The following ZDHHC14 variants were observed in gnomAD, a reference collection of about 807,000 sequenced individuals.
ZDHHC14 encodes the protein palmitoyltransferase ZDHHC14.
Under a neutral mutation model 47.7 loss-of-function variants are expected in ZDHHC14, and 16 were observed. The observed-to-expected ratio is 0.34, with a 90% CI of 0.23 to 0.51. The LOEUF is 0.51. ZDHHC14 is among the 20% of genes least tolerant of loss of function. ZDHHC14 has a pLI of 0.97. For missense variants in ZDHHC14, 515 were observed against 662.5 expected (o/e 0.78, Z 2.44); for synonymous variants, 293 against 278.9 (o/e 1.05, Z -0.50).
chr6:157,460,094 T>C (rs555316335), intron 1 of ZDHHC14, among the ~76,000 whole-genome samples: 19 of 148,922 alleles, frequency 1.3e-4, no homozygotes, highest in Non-Finnish European at 2.8e-4. Flanking sequence ...GTCTAGCTAC[T>C]TGGGGGGCTG....
intron 1 of ZDHHC14, among the ~76,000 whole-genome samples, chr6:157,518,876 G>T (rs1303740678): frequency 2.6e-5 from 4 of 152,154 alleles, no homozygotes; most frequent in Non-Finnish European, 5.9e-5. Flanking sequence ...AGTCACATGT[G>T]GCTTGAGATC....
chr6:157,554,052 A>G (rs2114827580), intron 2 of ZDHHC14, among the ~76,000 whole-genome samples: 1 of 152,382 alleles, frequency 6.6e-6, no homozygotes, highest in East Asian at 1.9e-4. Context: ...AGCGAACACC[A>G]TTTATTCAGA....
At chr6:157,643,262 A>G (rs995542800) in intron 5 of ZDHHC14, among the ~76,000 whole-genome samples, 1 of 152,204 alleles carries the variant, frequency 6.6e-6, no homozygotes, top group Admixed American at 6.5e-5. Flanking sequence ...TGCATCTTGC[A>G]TCTCGCATCC....
At position 157,582,012 on chromosome 6, in the gene ZDHHC14, C is replaced by T. The variant is rs1386432385; in HGVS notation, c.407-10976C>T. On this transcript the variant is annotated intron_variant, in intron 2 of 8. Transcript: ENST00000359775. The surrounding 1 kb of genome is among the most constrained non-coding windows in gnomAD (Gnocchi z 4.3). ...CCAGGTTCAAGTGATTCACCCACCTCAACCTCCTGAGTAGCTGGAACTACA... is the reference window on the plus strand; with the variant it reads ...CCAGGTTCAAGTGATTCACCCACCTTAACCTCCTGAGTAGCTGGAACTACA... Among the ~76,000 whole-genome samples, 1 of 152,156 alleles carries T rather than the reference C, an allele frequency of 6.6e-6. No homozygotes were observed. Among genetic ancestry groups the T allele is most frequent in the South Asian group, 2.1e-4 (1 of 4,826 alleles).
chr6:157,437,093 G>A (rs1333972967), intron 1 of ZDHHC14, among the ~76,000 whole-genome samples: 1 of 152,048 alleles, frequency 6.6e-6, no homozygotes, highest in Non-Finnish European at 1.5e-5. Context: ...CCCTACCCTG[G>A]GACTGCAGGT....
At chr6:157,653,797 C>T (rs371791960) in intron 8 of ZDHHC14, among the ~76,000 whole-genome samples, 170 bp downstream of exon 8, 2 of 152,304 alleles carry the variant, frequency 1.3e-5, no homozygotes, top group East Asian at 3.9e-4. Context: ...TAAACTAAGG[C>T]AGTAGCCCAG....
chr6:157,582,305 TG>T lies in ZDHHC14; in HGVS notation c.407-10682del, dbSNP rs1161533010. Reference sequence around the variant, plus strand: ...TTGTTAGCTGGTTATTATGCAGGCTTGTTTGTGTGGTTGCTTTATAGAGTCA... The same window carrying T: ...TTGTTAGCTGGTTATTATGCAGGCTTTTTGTGTGGTTGCTTTATAGAGTCA... On this transcript the variant is annotated intron_variant, in intron 2 of 8. Coordinates refer to ENST00000359775, the MANE Select transcript of ZDHHC14 (RefSeq NM_024630.3). The surrounding 1 kb of genome is among the most constrained non-coding windows in gnomAD (Gnocchi z 4.3). Among the ~76,000 whole-genome samples, 1 of 152,212 alleles carries T rather than the reference TG, an allele frequency of 6.6e-6. No individual in the cohort carries two copies. Among genetic ancestry groups the T allele is most frequent in the Admixed American group, 6.5e-5 (1 of 15,276 alleles).
intron 1 of ZDHHC14, among the ~76,000 whole-genome samples, chr6:157,478,968 T>C (rs1310828922): frequency 6.6e-6 from 1 of 152,222 alleles, no homozygotes; most frequent in Non-Finnish European, 1.5e-5. Flanking sequence ...TTGGTTCCCA[T>C]GCCAACCCAG....
intron 8 of ZDHHC14, among the ~76,000 whole-genome samples, chr6:157,658,842 A>G (rs1439745136): frequency 6.6e-6 from 1 of 152,156 alleles, no homozygotes; most frequent in African/African-American, 2.4e-5. Context: ...GGAGTTGAGA[A>G]GTGCTTCTTA....
intron 2 of ZDHHC14, among the ~76,000 whole-genome samples, chr6:157,571,511 A>T (rs1017047358): frequency 6.6e-6 from 1 of 152,232 alleles, no homozygotes; most frequent in Admixed American, 6.5e-5. Context: ...TACTGGGCAG[A>T]CCTTCCATAA....
chr6:157,548,668 A>G (rs1055456945), intron 2 of ZDHHC14, among the ~76,000 whole-genome samples: 48 of 152,074 alleles, frequency 3.2e-4, no homozygotes, highest in African/African-American at 1.1e-3. Context: ...CTGGTCTCGA[A>G]CTCCCAGCCT....
intron 1 of ZDHHC14, among the ~76,000 whole-genome samples, chr6:157,480,226 T>G (rs911718511): frequency 2.6e-5 from 4 of 150,962 alleles, no homozygotes; most frequent in Non-Finnish European, 4.4e-5. Flanking sequence ...AAATAGACTT[T>G]GGGTCAGGTT....
intron 1 of ZDHHC14, among the ~76,000 whole-genome samples, chr6:157,445,858 A>C (rs1778656361): frequency 1.3e-5 from 2 of 152,134 alleles, no homozygotes; most frequent in African/African-American, 4.8e-5. Context: ...GTAGTTATGA[A>C]ACCGAGGCAT....
At chr6:157,451,762 G>T (rs1168730380) in intron 1 of ZDHHC14, among the ~76,000 whole-genome samples, 1 of 152,142 alleles carries the variant, frequency 6.6e-6, no homozygotes, top group East Asian at 1.9e-4. Context: ...GTTTCTCCAT[G>T]TTGGCCAGGC....
chr6:157,420,848 C>T (rs1160262768), intron 1 of ZDHHC14, among the ~76,000 whole-genome samples: 1 of 152,162 alleles, frequency 6.6e-6, no homozygotes, highest in African/African-American at 2.4e-5. Context: ...TGCCTATCCA[C>T]TAAACATTGC....
intron 3 of ZDHHC14, among the ~76,000 whole-genome samples, chr6:157,626,777 TCA>T (rs36019973): frequency 0.38 from 57,170 of 151,656 alleles, 11,707 homozygotes; most frequent in East Asian, 0.85. Context: ...CATTCCAGTA[TCA>T]CACAGAGTAT....
At chr6:157,594,294 T>C (rs1339258089) in intron 3 of ZDHHC14, among the ~76,000 whole-genome samples, 1 of 152,236 alleles carries the variant, frequency 6.6e-6, no homozygotes, top group East Asian at 1.9e-4. Flanking sequence ...CTTGGTTTTC[T>C]TAACATAGAT....
chr6:157,655,015 G>A (rs2757134), intron 8 of ZDHHC14, among the ~76,000 whole-genome samples: 1 of 152,178 alleles, frequency 6.6e-6, no homozygotes, highest in Non-Finnish European at 1.5e-5. Context: ...GATGACGGGC[G>A]TGAGCCACTG....
At chr6:157,575,644 CT>C (rs1783278175) in intron 2 of ZDHHC14, among the ~76,000 whole-genome samples, 1 of 152,266 alleles carries the variant, frequency 6.6e-6, no homozygotes, top group Admixed American at 6.5e-5. Flanking sequence ...AAAGCCTACT[CT>C]ATCAGCCTCC....
Sources: gnomAD v4.1 joint callset for allele counts (sites outside exome capture counted in the v4.1 genomes callset) on GRCh38, gnomAD v4.1.1 for gene constraint, Gnocchi (gnomAD v3.1) non-coding constraint, MANE v1.5 for transcripts, NCBI Gene and HGNC (gene_info 2026-07-23, HGNC 2026-07-21) for gene names.